The following SORCS2 variants were observed in gnomAD, a reference collection of about 807,000 sequenced individuals.
SORCS2 encodes the protein VPS10 domain-containing receptor SorCS2.
SORCS2 carries 100 observed loss-of-function variants against 141.6 expected under a neutral mutation model. The ratio of observed to expected loss-of-function variants is 0.71; its 90% CI spans 0.60 to 0.83. The LOEUF (loss-of-function observed/expected upper bound fraction) is 0.83. Ranked by LOEUF, SORCS2 falls within the 40% of genes least tolerant of loss-of-function variation. SORCS2 has a pLI of 0.00. For synonymous variants in SORCS2, 789 were observed against 676.9 expected, an observed-to-expected ratio of 1.17 and a Z score of -2.57; for missense variants, 1,646 against 1,560.2, an observed-to-expected ratio of 1.05 and a Z score of -0.93.
chr4:7,458,398 C>T (rs1208873456), intron 2 of SORCS2, among the ~76,000 whole-genome samples: 3 of 152,032 alleles, frequency 2.0e-5, no homozygotes, highest in Non-Finnish European at 4.4e-5. Context: ...TAGTAGTTTT[C>T]CAGCTGTGCT....
At chr4:7,640,726 ACT>A (rs1203292728) in intron 4 of SORCS2, among the ~76,000 whole-genome samples, 1 of 151,936 alleles carries the variant, frequency 6.6e-6, no homozygotes, top group Non-Finnish European at 1.5e-5. Context: ...TTTGGGGGCC[ACT>A]CTGAACCTAG....
intron 2 of SORCS2, among the ~76,000 whole-genome samples, chr4:7,461,863 A>G (rs1161954342): frequency 1.3e-5 from 2 of 151,944 alleles, no homozygotes; most frequent in African/African-American, 2.4e-5. Flanking sequence ...GCATATTAAC[A>G]AGACCCCTGG....
intron 2 of SORCS2, among the ~76,000 whole-genome samples, chr4:7,459,465 A>G (rs548677660): frequency 2.0e-5 from 3 of 152,226 alleles, no homozygotes; most frequent in African/African-American, 7.2e-5. Context: ...GGGCTTTACC[A>G]TTCAGTTCCT....
chr4:7,580,716 T>C (rs886365573), intron 3 of SORCS2, among the ~76,000 whole-genome samples: 1 of 152,048 alleles, frequency 6.6e-6, no homozygotes. Context: ...TTGGGGGAGA[T>C]GTGGGAAGAG....
intron 1 of SORCS2, among the ~76,000 whole-genome samples, chr4:7,250,573 C>T (rs907475917): frequency 1.3e-5 from 2 of 152,228 alleles, no homozygotes; most frequent in Non-Finnish European, 2.9e-5. Context: ...TCCCAGCGTC[C>T]CGTGATATTC....
intron 11 of SORCS2, among the ~76,000 whole-genome samples, chr4:7,690,367 GTGGA>G (rs566951009): frequency 9.5e-4 from 143 of 150,018 alleles, no homozygotes; most frequent in African/African-American, 3.3e-3. Context: ...GGATGAGTGG[GTGGA>G]TGGATGATGA....
rs577610428 is a variant in SORCS2 at position 7,737,074 on chromosome 4, G to A, written c.3317G>A (p.Arg1106Gln). 3.4e-5 allele frequency: 52 copies of A among 1,551,220 alleles called. No individual in the cohort carries two copies. Among genetic ancestry groups the A allele is most frequent in the Admixed American group, 5.9e-5 (3 of 51,006 alleles). Residue 1106 changes from arginine to glutamine, a missense_variant, in exon 26 of 27, where the codon CGG (arginine) becomes CAG (glutamine). Arg to Gln is a conservative substitution (Grantham distance 43). Coordinates refer to ENST00000507866, the MANE Select transcript of SORCS2 (RefSeq NM_020777.3). ...CCCTTGCCTCTGTCCAGCAGGAAAC[G>A]GCCAGGCAGGACCGTGTACGCCCAA... The part of the protein sequence containing the change: ...AFILYKFKRK[R>Q]PGRTVYAQMH...
intron 1 of SORCS2, among the ~76,000 whole-genome samples, chr4:7,239,219 C>G (rs1174732099): frequency 6.6e-6 from 1 of 152,232 alleles, no homozygotes; most frequent in Non-Finnish European, 1.5e-5. Context: ...GAAGGGGGAC[C>G]TCCTCCTCAC....
intron 3 of SORCS2, among the ~76,000 whole-genome samples, chr4:7,557,581 T>A (rs1378812729): frequency 6.6e-6 from 1 of 152,246 alleles, no homozygotes; most frequent in Non-Finnish European, 1.5e-5. Context: ...GACTAGATTC[T>A]GTTATCATAG....
chr4:7,248,690 C>T (rs1029271586), intron 1 of SORCS2, among the ~76,000 whole-genome samples: 1 of 152,222 alleles, frequency 6.6e-6, no homozygotes, highest in African/African-American at 2.4e-5. Flanking sequence ...ATTCCTCTTT[C>T]CGGGTGTACA....
At chr4:7,302,821 TCTC>T (rs1313491784) in intron 1 of SORCS2, among the ~76,000 whole-genome samples, 1 of 127,744 alleles carries the variant, frequency 7.8e-6, no homozygotes, top group East Asian at 2.1e-4. Flanking sequence ...GTAGGAGTGT[TCTC>T]CTATACCTTT....
intron 2 of SORCS2, among the ~76,000 whole-genome samples, chr4:7,461,361 G>T (rs1241882904): frequency 2.6e-5 from 4 of 152,052 alleles, no homozygotes; most frequent in Non-Finnish European, 5.9e-5. Flanking sequence ...CGCCTCACCA[G>T]CAGGGGGATG....
At chr4:7,474,984 T>C (rs1314888296) in intron 2 of SORCS2, among the ~76,000 whole-genome samples, 1 of 152,170 alleles carries the variant, frequency 6.6e-6, no homozygotes, top group African/African-American at 2.4e-5. Flanking sequence ...CTGCTGTGTG[T>C]GTCTTTGTCC....
At chr4:7,261,773 T>C (rs1433485863) in intron 1 of SORCS2, among the ~76,000 whole-genome samples, 1 of 152,218 alleles carries the variant, frequency 6.6e-6, no homozygotes, top group Non-Finnish European at 1.5e-5. Context: ...CATTCCCTGC[T>C]GGTGAGAGAG....
At chr4:7,454,869 T>A (rs1037219716) in intron 2 of SORCS2, among the ~76,000 whole-genome samples, 39 of 73,834 alleles carry the variant, frequency 5.3e-4, no homozygotes, top group Middle Eastern at 0.017. Context: ...TGGGGTCAGG[T>A]GCTGTGTGTT....
chr4:7,507,423 C>G (rs895555405), intron 2 of SORCS2, among the ~76,000 whole-genome samples: 7 of 152,238 alleles, frequency 4.6e-5, no homozygotes, highest in Admixed American at 3.9e-4. Context: ...GTCCGCCCCC[C>G]TCGGCCTCCC....
At chr4:7,294,530 C>T (rs575951999) in intron 1 of SORCS2, among the ~76,000 whole-genome samples, 1 of 149,590 alleles carries the variant, frequency 6.7e-6, no homozygotes, top group African/African-American at 2.6e-5. Flanking sequence ...CAGGGAGCTC[C>T]TCCTCCATGC....
At chr4:7,377,961 A>G (rs1270606061) in intron 1 of SORCS2, among the ~76,000 whole-genome samples, 1 of 152,212 alleles carries the variant, frequency 6.6e-6, no homozygotes, top group African/African-American at 2.4e-5. Flanking sequence ...GTGTCCAGAA[A>G]CTTAACCCTT....
intron 1 of SORCS2, among the ~76,000 whole-genome samples, chr4:7,268,293 C>G (rs990561953): frequency 6.6e-6 from 1 of 152,246 alleles, no homozygotes; most frequent in East Asian, 1.9e-4. Context: ...AGGATGCTTC[C>G]TTGAGTTTTT....
Sources: allele counts gnomAD v4.1 joint callset (sites outside exome capture counted in the v4.1 genomes callset), GRCh38; gene constraint gnomAD v4.1.1; transcripts MANE v1.5; gene names NCBI Gene and HGNC (gene_info 2026-07-23, HGNC 2026-07-21).